Variants in OCA2 observed in about 807,000 individuals in gnomAD.
The protein encoded by OCA2 is P protein.
In OCA2, 77 loss-of-function variants were observed where a neutral mutation model predicts 100.2. That is an observed-to-expected ratio of 0.77 (90% confidence interval 0.64 to 0.93). The LOEUF (loss-of-function observed/expected upper bound fraction) is 0.93. Ranked by LOEUF, OCA2 falls within the 40% of genes least tolerant of loss-of-function variation. The pLI is 0.00. For synonymous variants in OCA2, 432 were observed against 439.2 expected (o/e 0.98, Z 0.21); for missense variants, 1,062 against 1,089.1 (o/e 0.98, Z 0.35).
At chr15:27,871,993 T>C (rs2036598028) in intron 19 of OCA2, 71 bp from the exon 20 acceptor site, 3 of 1,204,968 alleles carry the variant, frequency 2.5e-6, no homozygotes, top group African/African-American at 3.0e-5. Context: ...AAAAAAAGTC[T>C]TGAAAATGAA....
chr15:28,001,416 A>G (rs1465235852), intron 9 of OCA2, among the ~76,000 whole-genome samples: 2 of 152,166 alleles, frequency 1.3e-5, no homozygotes, highest in African/African-American at 4.8e-5. Flanking sequence ...CACTTATATG[A>G]GGCCAAAGGG....
At chr15:28,010,211 C>T (rs1296834493) in intron 9 of OCA2, among the ~76,000 whole-genome samples, 1 of 151,950 alleles carries the variant, frequency 6.6e-6, no homozygotes, top group Non-Finnish European at 1.5e-5. Flanking sequence ...CAACAAAAAA[C>T]CCCTCTTAGT....
At chr15:27,994,835 G>A (rs1595783994) in intron 9 of OCA2, among the ~76,000 whole-genome samples, 1 of 152,164 alleles carries the variant, frequency 6.6e-6, no homozygotes, top group African/African-American at 2.4e-5. Flanking sequence ...CCCCTCCATA[G>A]TCACACAGGT....
chr15:27,990,732 T>C (rs554887714), intron 9 of OCA2, 85 bp from the exon 10 acceptor site: 6 of 1,111,070 alleles, frequency 5.4e-6, no homozygotes, highest in African/African-American at 1.5e-5. Context: ...TGAGGGGGTC[T>C]ATATCTGCCA....
chr15:28,028,171 C>A, intron 3 of OCA2, 112 bp from the exon 4 acceptor site: 1 of 1,207,950 alleles, frequency 8.3e-7, no homozygotes, highest in South Asian at 1.3e-5. Flanking sequence ...CCTGGTCTTT[C>A]AAAGGACCAC....
intron 1 of OCA2, among the ~76,000 whole-genome samples, chr15:28,082,308 C>G (rs1021507753): frequency 2.0e-5 from 3 of 152,192 alleles, no homozygotes; most frequent in Non-Finnish European, 4.4e-5. Context: ...ACGCTGGACT[C>G]CCCTACTAAT....
chr15:27,887,149 G>T (rs1485153844), intron 19 of OCA2, among the ~76,000 whole-genome samples: 1 of 152,132 alleles, frequency 6.6e-6, no homozygotes. Context: ...TGCCATGATC[G>T]TGAGGCCTCC....
At chr15:28,098,810 G>A (rs773746664) in intron 1 of OCA2, among the ~76,000 whole-genome samples, 1 of 152,270 alleles carries the variant, frequency 6.6e-6, no homozygotes, top group Non-Finnish European at 1.5e-5. Context: ...GAGGGATTTA[G>A]TGTTTTCACT....
chr15:27,880,554 T>G (rs567864510), intron 19 of OCA2, among the ~76,000 whole-genome samples: 10 of 152,334 alleles, frequency 6.6e-5, no homozygotes, highest in African/African-American at 2.4e-4. Flanking sequence ...TTTGTAGTTC[T>G]CCTTAAAGAA....
intron 23 of OCA2, among the ~76,000 whole-genome samples, chr15:27,831,947 C>T (rs147404222): frequency 1.7e-3 from 260 of 152,196 alleles, no homozygotes; most frequent in African/African-American, 6.0e-3. Context: ...GTCCAGTGCC[C>T]GCTCCCGAGG....
chr15:27,945,618 T>C (rs2039805992), intron 18 of OCA2, among the ~76,000 whole-genome samples: 1 of 152,154 alleles, frequency 6.6e-6, no homozygotes, highest in African/African-American at 2.4e-5. Context: ...ACAGATCCAA[T>C]AGATTGCTTT....
At chr15:28,085,320 A>G (rs2044759445) in intron 1 of OCA2, among the ~76,000 whole-genome samples, 2 of 152,058 alleles carry the variant, frequency 1.3e-5, no homozygotes, top group African/African-American at 4.8e-5. Context: ...TGCCTGAATC[A>G]GCCGGGGTCC....
In OCA2 at chr15:28,022,510, C is replaced by T. The variant is rs2042624978; in HGVS notation, c.637G>A (p.Glu213Lys). 2.5e-6 allele frequency: 4 copies of T among 1,612,630 alleles called. No homozygotes were observed. The African/African-American group carries it at 5.3e-5, about 22-fold the overall frequency. ...LWQLLALSPL[E>K]NYSVNLSSHV... ...AGTGGATTTTGGATACAGTAGTTCT[C>T]CAGCGGTGATAAGGCCAACAGCTGC... is the stretch of plus-strand genomic sequence containing the variant. Residue 213 changes from glutamate (E) to lysine (K), a missense_variant, in exon 6 of 24, where the codon GAG becomes AAG. Transcript: ENST00000354638.
intron 23 of OCA2, among the ~76,000 whole-genome samples, chr15:27,801,811 C>T (rs1407388979): frequency 6.6e-6 from 1 of 151,970 alleles, no homozygotes; most frequent in Non-Finnish European, 1.5e-5. Context: ...CTAAATTATT[C>T]TTTAGAATAA....
chr15:27,926,291 A>G, intron 18 of OCA2, 37 bp from the exon 19 acceptor site: 1 of 1,611,086 alleles, frequency 6.2e-7, no homozygotes, highest in Non-Finnish European at 8.5e-7. Flanking sequence ...ATATAGTTCC[A>G]CTGTTAACAC....
intron 9 of OCA2, among the ~76,000 whole-genome samples, chr15:27,996,560 A>G (rs1178453455): frequency 6.6e-6 from 1 of 150,924 alleles, no homozygotes; most frequent in Non-Finnish European, 1.5e-5. Flanking sequence ...TGAAAGGATA[A>G]ACAAAATTGA....
At chr15:27,845,141 A>T in intron 22 of OCA2, 89 bp from the exon 23 acceptor site, 1 of 969,230 alleles carries the variant, frequency 1.0e-6, no homozygotes, top group Non-Finnish European at 1.6e-6. Context: ...ATCATCTCAC[A>T]GGCTTTGATT....
chr15:27,785,544 C>T (rs759781854), intron 23 of OCA2, among the ~76,000 whole-genome samples: 14 of 152,106 alleles, frequency 9.2e-5, no homozygotes, highest in Non-Finnish European at 2.1e-4. Flanking sequence ...CCACTTTATA[C>T]CCTTCAGATT....
intron 9 of OCA2, among the ~76,000 whole-genome samples, chr15:27,991,868 A>G (rs552699936): frequency 6.6e-6 from 1 of 152,276 alleles, no homozygotes; most frequent in African/African-American, 2.4e-5. Flanking sequence ...GACTCCCTTT[A>G]CCAGTAATTA....
Sources: allele counts gnomAD v4.1 joint callset (sites outside exome capture counted in the v4.1 genomes callset), GRCh38; gene constraint gnomAD v4.1.1; transcripts MANE v1.5; gene names NCBI Gene and HGNC (gene_info 2026-07-23, HGNC 2026-07-21).